DSCAM: variants seen among roughly 807,000 people sequenced by gnomAD.
DSCAM encodes the protein cell adhesion molecule DSCAM.
Under a neutral mutation model 217.7 loss-of-function variants are expected in DSCAM, and 47 were observed. The observed-to-expected ratio is 0.22, with a 90% CI of 0.17 to 0.28. DSCAM has a LOEUF of 0.28. Among genes scored for constraint, DSCAM ranks in the 10% least tolerant of loss-of-function variants. DSCAM has a pLI of 1.00. For missense variants in DSCAM, 2,080 were observed against 2,618.3 expected (o/e 0.79, Z 4.49); for synonymous variants, 1,056 against 1,015.3 (o/e 1.04, Z -0.76).
intron 11 of DSCAM, among the ~76,000 whole-genome samples, chr21:40,274,229 G>T (rs1229133345): frequency 1.3e-5 from 2 of 152,060 alleles, no homozygotes; most frequent in African/African-American, 4.8e-5. Flanking sequence ...GACATATGGG[G>T]GCATCGTCCA....
chr21:40,042,691 A>G lies in DSCAM; in HGVS notation c.5384-18T>C, dbSNP rs754597914. The G allele has an allele frequency of 6.3e-7, 1 of 1,581,738 alleles. No individual in the cohort carries two copies. The highest frequency in any genetic ancestry group is 8.6e-7 in the Non-Finnish European group (1 of 1,166,552). On this transcript the variant is annotated intron_variant, in intron 31 of 32. Transcript: ENST00000400454. ...TGCTCGATCTACACCAGGAAAGAGA[A>G]AAACAAGACGGACGACTCACCATCA...
intron 3 of DSCAM, among the ~76,000 whole-genome samples, chr21:40,486,931 C>A (rs957682683): frequency 2.0e-5 from 3 of 152,014 alleles, no homozygotes; most frequent in Admixed American, 2.0e-4. Flanking sequence ...TTCCTGGGTG[C>A]CAGTCCTGCT....
chr21:40,229,613 A>G (rs1015573830), intron 11 of DSCAM, among the ~76,000 whole-genome samples: 1 of 152,220 alleles, frequency 6.6e-6, no homozygotes, highest in Admixed American at 6.5e-5. Context: ...TAGAGTATCC[A>G]GCCTTCTTAG....
chr21:40,235,298 G>A (rs1450944881), intron 11 of DSCAM, among the ~76,000 whole-genome samples: 1 of 152,176 alleles, frequency 6.6e-6, no homozygotes, highest in African/African-American at 2.4e-5. Flanking sequence ...GTAACCATCT[G>A]TACTAGCCTC....
chr21:40,340,159 G>A (rs1196344481), intron 6 of DSCAM, among the ~76,000 whole-genome samples: 1 of 152,064 alleles, frequency 6.6e-6, no homozygotes, highest in East Asian at 1.9e-4. Flanking sequence ...AAGTAGGCTG[G>A]CCATATAATT....
intron 16 of DSCAM, among the ~76,000 whole-genome samples, chr21:40,158,296 A>G (rs927360392): frequency 6.6e-6 from 1 of 152,142 alleles, no homozygotes; most frequent in Non-Finnish European, 1.5e-5. Context: ...AGGCTGAGGT[A>G]GGAGGATCAC....
chr21:40,039,943 G>C (rs920884608), intron 32 of DSCAM, among the ~76,000 whole-genome samples: 1 of 152,218 alleles, frequency 6.6e-6, no homozygotes, highest in Non-Finnish European at 1.5e-5. Context: ...ATCATCTAGC[G>C]TGAAGAGGGC....
At chr21:40,610,706 G>A (rs901033055) in intron 3 of DSCAM, among the ~76,000 whole-genome samples, 8 of 152,156 alleles carry the variant, frequency 5.3e-5, no homozygotes, top group Non-Finnish European at 1.2e-4. Context: ...CAGGGTGGCC[G>A]TCACCTAATC....
chr21:40,637,438 AAT>A (rs572148681), intron 3 of DSCAM, among the ~76,000 whole-genome samples: 603 of 15,764 alleles, frequency 0.038, 226 homozygotes, highest in Admixed American at 0.1. Context: ...TATAAATATA[AAT>A]ATATATATAA....
intron 2 of DSCAM, among the ~76,000 whole-genome samples, chr21:40,706,264 C>T (rs1156289770): frequency 3.3e-5 from 5 of 152,040 alleles, no homozygotes; most frequent in Non-Finnish European, 1.5e-5. Context: ...TTCTGACTTG[C>T]CCAGGATCAG....
chr21:40,701,722 C>T (rs896857487), intron 2 of DSCAM, among the ~76,000 whole-genome samples: 1 of 151,370 alleles, frequency 6.6e-6, no homozygotes, highest in African/African-American at 2.4e-5. Context: ...ATTCAGTATT[C>T]AGGTACTTGG....
intron 9 of DSCAM, among the ~76,000 whole-genome samples, chr21:40,303,705 T>A (rs774956458): frequency 2.7e-5 from 4 of 150,530 alleles, no homozygotes; most frequent in Non-Finnish European, 5.9e-5. Context: ...TGAAGTAAAA[T>A]CATAGCATGA....
rs185814106 is a variant in DSCAM, at chr21:40,228,188, G to A, written c.2357-38950C>T. ...GCTATCAACAGGGCTTATCAGTGTC[G>A]CTGTTGACCTTGGCCACCTGGCTAA... On this transcript the variant is annotated intron_variant, in intron 11 of 32. Coordinates refer to ENST00000400454, the MANE Select transcript of DSCAM (RefSeq NM_001389.5). 1.0e-3 allele frequency among the ~76,000 whole-genome samples: 155 copies of A among 152,210 alleles called. 1 individual carries two copies. The highest frequency in any genetic ancestry group is 3.6e-3 in the African/African-American group (151 of 41,536).
chr21:40,122,732 T>A (rs1338354363), intron 20 of DSCAM, among the ~76,000 whole-genome samples: 1 of 152,186 alleles, frequency 6.6e-6, no homozygotes, highest in African/African-American at 2.4e-5. Flanking sequence ...TACGTTTACA[T>A]ATTGACTTCA....
At chr21:40,638,346 A>C (rs1414383631) in intron 3 of DSCAM, among the ~76,000 whole-genome samples, 1 of 152,200 alleles carries the variant, frequency 6.6e-6, no homozygotes, top group Non-Finnish European at 1.5e-5. Context: ...GCATAACTTT[A>C]ACAAATGCAA....
intron 1 of DSCAM, among the ~76,000 whole-genome samples, chr21:40,766,060 A>G (rs1274619456): frequency 1.3e-5 from 2 of 152,166 alleles, no homozygotes; most frequent in Non-Finnish European, 2.9e-5. Context: ...TGGGAATAAA[A>G]CATTTTAGCA....
intron 3 of DSCAM, among the ~76,000 whole-genome samples, chr21:40,611,656 T>C (rs910640309): frequency 6.6e-6 from 1 of 152,178 alleles, no homozygotes; most frequent in African/African-American, 2.4e-5. Context: ...CACTCTTTCC[T>C]AAGGTTGGCT....
intron 1 of DSCAM, among the ~76,000 whole-genome samples, chr21:40,783,878 A>G (rs999191966): frequency 6.6e-6 from 1 of 152,160 alleles, no homozygotes; most frequent in African/African-American, 2.4e-5. Context: ...AGCCTAAAAA[A>G]TCGCATTCTT....
chr21:40,343,401 G>A (rs1312505845), intron 6 of DSCAM, among the ~76,000 whole-genome samples: 2 of 152,198 alleles, frequency 1.3e-5, no homozygotes, highest in Non-Finnish European at 2.9e-5. Flanking sequence ...TAACCAGGAA[G>A]TATGATTTTA....
Sources: allele counts gnomAD v4.1 joint callset (sites outside exome capture counted in the v4.1 genomes callset), GRCh38; gene constraint gnomAD v4.1.1; transcripts MANE v1.5; gene names NCBI Gene and HGNC (gene_info 2026-07-23, HGNC 2026-07-21).